The following LRRC1 variants were observed in gnomAD, a reference collection of about 807,000 sequenced individuals.
The protein encoded by LRRC1 is leucine-rich repeat-containing protein 1.
A neutral mutation model predicts 69.9 loss-of-function variants in LRRC1; 28 were observed. That is an observed-to-expected ratio of 0.40 (90% CI 0.30 to 0.55). The LOEUF (loss-of-function observed/expected upper bound fraction) is 0.55. Among genes scored for constraint, LRRC1 ranks in the 20% least tolerant of loss-of-function variants. The probability of loss-of-function intolerance (pLI) is 0.47; values close to 1 mark genes in which losing one functional copy is unlikely to be tolerated. For missense variants in LRRC1, 498 were observed against 609.0 expected (o/e 0.82, Z 1.92); for synonymous variants, 236 against 240.2 (o/e 0.98, Z 0.16).
intron 1 of LRRC1, among the ~76,000 whole-genome samples, chr6:53,815,498 A>C (rs1764926713): frequency 6.6e-6 from 1 of 152,040 alleles, no homozygotes; most frequent in African/African-American, 2.4e-5. Flanking sequence ...ACATACTTGC[A>C]TATGCACACA....
chr6:53,892,456 G>C (rs982824236), intron 4 of LRRC1, among the ~76,000 whole-genome samples: 1 of 152,154 alleles, frequency 6.6e-6, no homozygotes, highest in African/African-American at 2.4e-5. Flanking sequence ...GTCTCCCTCT[G>C]TCTCTCTTGA....
chr6:53,864,453 C>A (rs1346573891), intron 2 of LRRC1, among the ~76,000 whole-genome samples: 1 of 152,172 alleles, frequency 6.6e-6, no homozygotes, highest in Middle Eastern at 3.2e-3. Context: ...TGGAGCTGAT[C>A]AAATCTGACT....
intron 1 of LRRC1, among the ~76,000 whole-genome samples, chr6:53,841,214 A>G (rs1257846647): frequency 1.3e-5 from 2 of 152,174 alleles, no homozygotes; most frequent in Non-Finnish European, 2.9e-5. Flanking sequence ...TGGAGAGGAA[A>G]TTTCCAGGCT....
At chr6:53,845,976 C>A (rs1330042971) in intron 2 of LRRC1, among the ~76,000 whole-genome samples, 1 of 152,218 alleles carries the variant, frequency 6.6e-6, no homozygotes, top group Non-Finnish European at 1.5e-5. Flanking sequence ...ATCTTCCGGC[C>A]ATTCCTTGTT....
At chr6:53,828,572 C>G (rs1227403547) in intron 1 of LRRC1, among the ~76,000 whole-genome samples, 1 of 152,246 alleles carries the variant, frequency 6.6e-6, no homozygotes, top group Non-Finnish European at 1.5e-5. Flanking sequence ...TCCCTGAACT[C>G]CTTCCATTCC....
At chr6:53,878,389 A>G (rs1028893356) in intron 2 of LRRC1, among the ~76,000 whole-genome samples, 1 of 152,208 alleles carries the variant, frequency 6.6e-6, no homozygotes, top group Non-Finnish European at 1.5e-5. Flanking sequence ...ACAACTCACC[A>G]TAAGGTAGAT....
chr6:53,845,819 T>C (rs779920576), intron 2 of LRRC1, among the ~76,000 whole-genome samples: 4 of 152,216 alleles, frequency 2.6e-5, no homozygotes, highest in Non-Finnish European at 5.9e-5. Flanking sequence ...CCAACCCTGC[T>C]GGTCCCCAGC....
intron 1 of LRRC1, among the ~76,000 whole-genome samples, chr6:53,837,324 T>C (rs755003318): frequency 1.3e-5 from 2 of 152,110 alleles, no homozygotes; most frequent in Non-Finnish European, 2.9e-5. Flanking sequence ...ACACAAATGA[T>C]GTGTACTGTG....
At chr6:53,799,995 C>G (rs914820699) in intron 1 of LRRC1, among the ~76,000 whole-genome samples, 3 of 152,184 alleles carry the variant, frequency 2.0e-5, no homozygotes, top group Non-Finnish European at 2.9e-5. Context: ...TGCTGAGGCT[C>G]TTTAGGGCTG....
At chr6:53,823,948 A>G (rs914363696) in intron 1 of LRRC1, among the ~76,000 whole-genome samples, 1 of 152,162 alleles carries the variant, frequency 6.6e-6, no homozygotes, top group Non-Finnish European at 1.5e-5. Context: ...GCTGACATGG[A>G]CATACATTTG....
intron 1 of LRRC1, among the ~76,000 whole-genome samples, chr6:53,840,927 T>TGAGC (rs578018808): frequency 1.5e-5 from 2 of 132,508 alleles, no homozygotes; most frequent in Non-Finnish European, 3.2e-5. Context: ...TGTGTGTGTG[T>TGAGC]GCGTGCGCGC....
At chr6:53,830,848 C>A (rs1765406013) in intron 1 of LRRC1, among the ~76,000 whole-genome samples, 1 of 150,218 alleles carries the variant, frequency 6.7e-6, no homozygotes. Context: ...GCCATTATTG[C>A]AATTAAAATT....
chr6:53,879,128 C>A, intron 3 of LRRC1, 57 bp downstream of exon 3: 1 of 1,200,894 alleles, frequency 8.3e-7, no homozygotes, highest in Non-Finnish European at 1.2e-6. Flanking sequence ...TTTTGAGAGC[C>A]AAGCGGAGAA....
intron 2 of LRRC1, among the ~76,000 whole-genome samples, chr6:53,863,908 A>G (rs1581883669): frequency 6.6e-6 from 1 of 152,172 alleles, no homozygotes; most frequent in East Asian, 1.9e-4. Context: ...CAGCTTTATT[A>G]TCAGAAAACC....
chr6:53,828,245 G>C (rs1765329986), intron 1 of LRRC1, among the ~76,000 whole-genome samples: 1 of 151,922 alleles, frequency 6.6e-6, no homozygotes, highest in Non-Finnish European at 1.5e-5. Context: ...AGAATCACAG[G>C]CTGTTGATGT....
intron 4 of LRRC1, among the ~76,000 whole-genome samples, chr6:53,894,416 A>G (rs1011581996): frequency 6.6e-6 from 1 of 152,380 alleles, no homozygotes; most frequent in South Asian, 2.1e-4. Flanking sequence ...AACACTCAGC[A>G]TGAGGCTGTG....
intron 2 of LRRC1, among the ~76,000 whole-genome samples, chr6:53,854,830 A>C (rs889080674): frequency 6.6e-6 from 1 of 152,156 alleles, no homozygotes; most frequent in Non-Finnish European, 1.5e-5. Context: ...CTTTTTATTC[A>C]CTTAACATAG....
intron 1 of LRRC1, among the ~76,000 whole-genome samples, chr6:53,813,617 T>C (rs1320981430): frequency 7.2e-6 from 1 of 138,268 alleles, no homozygotes; most frequent in Non-Finnish European, 1.5e-5. Context: ...TAATTAAAAA[T>C]GGACAATGAT....
chr6:53,879,134 G>A lies in LRRC1; in HGVS notation c.356+63G>A. 2.7e-6 allele frequency: 3 copies of A among 1,117,104 alleles called. No individual in the cohort carries two copies. In the Admixed American group the frequency reaches 5.5e-5, roughly 20 times the overall value. The allele number at this position is 1,117,104 out of a possible 1,614,324, so 69.2% of individuals were successfully genotyped here. A position where few individuals can be genotyped will look rare whatever the true frequency, so the allele number is the denominator to read the frequency against. ...GAGTATCTTTTTTGAGAGCCAAGCG[G>A]AGAACACAGTCAGGTTAACCATCTT... On this transcript the variant is annotated intron_variant, in intron 3 of 13. Coordinates refer to ENST00000370888, the MANE Select transcript of LRRC1 (RefSeq NM_018214.5).
Sources: allele counts gnomAD v4.1 joint callset (sites outside exome capture counted in the v4.1 genomes callset), GRCh38; gene constraint gnomAD v4.1.1; transcripts MANE v1.5; gene names NCBI Gene and HGNC (gene_info 2026-07-23, HGNC 2026-07-21).